The following RNFT2 variants were observed in gnomAD, a reference collection of about 807,000 sequenced individuals.
The protein encoded by RNFT2 is E3 ubiquitin-protein ligase RNFT2.
A neutral mutation model predicts 53.0 loss-of-function variants in RNFT2; 36 were observed. The observed-to-expected ratio is 0.68, with a 90% CI of 0.52 to 0.90. The LOEUF (loss-of-function observed/expected upper bound fraction) is 0.90, where lower values mean the gene tolerates loss of function less well. Ranked by LOEUF, RNFT2 falls within the 40% of genes least tolerant of loss-of-function variation. RNFT2 has a pLI of 0.00. For synonymous variants in RNFT2, 260 were observed against 253.2 expected (o/e 1.03, Z -0.26); for missense variants, 514 against 585.6 (o/e 0.88, Z 1.26).
intron 7 of RNFT2, among the ~76,000 whole-genome samples, chr12:116,833,019 T>C (rs1876761332): frequency 6.9e-6 from 1 of 144,034 alleles, no homozygotes; most frequent in East Asian, 2.3e-4. Flanking sequence ...GTTCAAGCAA[T>C]TCTCCTGCCT....
At chr12:116,763,628 A>AC (rs1396387614) in intron 5 of RNFT2, among the ~76,000 whole-genome samples, 1 of 150,532 alleles carries the variant, frequency 6.6e-6, no homozygotes, top group Non-Finnish European at 1.5e-5. Context: ...ACAAAAAAAA[A>AC]ATTAGCTGGA....
At chr12:116,759,084 T>C (rs1227426766) in intron 5 of RNFT2, among the ~76,000 whole-genome samples, 1 of 152,176 alleles carries the variant, frequency 6.6e-6, no homozygotes, top group East Asian at 1.9e-4. Context: ...CTTTGTTGGA[T>C]TGGGTTAATT....
chr12:116,795,736 C>T (rs1177092756), intron 7 of RNFT2, among the ~76,000 whole-genome samples: 1 of 152,104 alleles, frequency 6.6e-6, no homozygotes, highest in Non-Finnish European at 1.5e-5. Context: ...GCGGGCCCTT[C>T]CCTAAGAACT....
intron 3 of RNFT2, chr12:116,748,744 G>C (rs1252202862): frequency 2.3e-6 from 1 of 427,512 alleles, no homozygotes. Context: ...GGGATCCCGA[G>C]GTAATTCTAG....
chr12:116,766,194 A>G (rs953500063), intron 5 of RNFT2, among the ~76,000 whole-genome samples: 2 of 152,138 alleles, frequency 1.3e-5, no homozygotes, highest in Admixed American at 1.3e-4. Context: ...AGGCAGGAGG[A>G]TCACTTGAGC....
At chr12:116,811,483 C>G (rs1457257467) in intron 7 of RNFT2, among the ~76,000 whole-genome samples, 1 of 152,004 alleles carries the variant, frequency 6.6e-6, no homozygotes, top group African/African-American at 2.4e-5. Flanking sequence ...TCAAGCAATC[C>G]TTGTGCCTCA....
At chr12:116,746,561 G>A (rs570446325) in intron 3 of RNFT2, among the ~76,000 whole-genome samples, 19 of 152,256 alleles carry the variant, frequency 1.2e-4, no homozygotes, top group Non-Finnish European at 1.8e-4. Flanking sequence ...ACAGATGAGC[G>A]TGCATTACCT....
At chr12:116,807,119 G>A (rs547184975) in intron 7 of RNFT2, among the ~76,000 whole-genome samples, 12 of 152,260 alleles carry the variant, frequency 7.9e-5, no homozygotes, top group African/African-American at 2.6e-4. Flanking sequence ...AGATTGAGAC[G>A]CTTATTTTGA....
At chr12:116,750,851 A>AATATATATTATATATATAAT (rs1872187626) in intron 4 of RNFT2, among the ~76,000 whole-genome samples, 55 of 105,504 alleles carry the variant, frequency 5.2e-4, no homozygotes, top group African/African-American at 7.3e-4. Flanking sequence ...ATATATATAT[A>AATATATATTATATATATAAT]ATATATATTA....
chr12:116,786,037 G>A (rs1206844649), intron 7 of RNFT2, among the ~76,000 whole-genome samples: 3 of 152,030 alleles, frequency 2.0e-5, no homozygotes, highest in Non-Finnish European at 4.4e-5. Flanking sequence ...CGGCAATAGA[G>A]CCAGCCTCTC....
intron 7 of RNFT2, among the ~76,000 whole-genome samples, chr12:116,828,852 A>C (rs987757986): frequency 6.6e-6 from 1 of 152,102 alleles, no homozygotes; most frequent in Non-Finnish European, 1.5e-5. Context: ...TGACAAAAGC[A>C]GGTTAAGGCC....
At chr12:116,834,850 CTTTT>C (rs140178133) in intron 8 of RNFT2, among the ~76,000 whole-genome samples, 1 of 136,672 alleles carries the variant, frequency 7.3e-6, no homozygotes. Flanking sequence ...ATTATTACTC[CTTTT>C]TTTTTTTTTT....
At chr12:116,768,344 G>A (rs999690635) in intron 6 of RNFT2, among the ~76,000 whole-genome samples, 2 of 151,108 alleles carry the variant, frequency 1.3e-5, no homozygotes, top group African/African-American at 2.4e-5. Flanking sequence ...CAGGTGATCC[G>A]CCGGCCTTGG....
chr12:116,840,432 G>T (rs1471819334), intron 10 of RNFT2, among the ~76,000 whole-genome samples: 1 of 152,202 alleles, frequency 6.6e-6, no homozygotes, highest in Non-Finnish European at 1.5e-5. Context: ...CATTCCACAA[G>T]GCTTGGTCTC....
intron 7 of RNFT2, among the ~76,000 whole-genome samples, chr12:116,794,694 AG>A (rs377678112): frequency 0.012 from 197 of 16,264 alleles, 3 homozygotes; most frequent in South Asian, 0.074. Context: ...GAGGGAGGGA[AG>A]GGAAGGGAGG....
At chr12:116,760,736 G>C (rs760843973) in intron 5 of RNFT2, among the ~76,000 whole-genome samples, 6 of 152,126 alleles carry the variant, frequency 3.9e-5, no homozygotes, top group Non-Finnish European at 7.4e-5. Flanking sequence ...CAGAGAGTCT[G>C]TGGGTCCTCT....
At position 116,849,541 on chromosome 12, in the gene RNFT2, C is replaced by T. The variant is rs916587807; in HGVS notation, c.*93C>T. The T allele has an allele frequency of 1.5e-5, 22 of 1,459,038 alleles. No homozygotes were observed. Among genetic ancestry groups the T allele is most frequent in the Non-Finnish European group, 2.0e-5 (22 of 1,101,812 alleles). 90.4% of individuals were successfully genotyped at this position (1,459,038 alleles called of 1,614,324 possible). On this transcript the variant is annotated 3_prime_UTR_variant, in exon 11 of 11. Coordinates refer to ENST00000257575, the MANE Select transcript of RNFT2 (RefSeq NM_001382266.1). ...CTTCCTGAGAAACAGGCCTCAAGCA[C>T]TTACATCCTGCCTCTTGCCCTCCAC...
At chr12:116,841,122 CAA>C (rs1265738768) in intron 10 of RNFT2, among the ~76,000 whole-genome samples, 1 of 152,162 alleles carries the variant, frequency 6.6e-6, no homozygotes, top group African/African-American at 2.4e-5. Flanking sequence ...CTTAAAGCAA[CAA>C]ATGTTTATTA....
In RNFT2 at chr12:116,849,648, C is replaced by T. The variant is rs11608314; in HGVS notation, c.*200C>T. ...TCTCGTTCTGTGGTATAGTGCGTGC[C>T]TCCTTCCCCTGCAAAAGGGGACGTC... On this transcript the variant is annotated 3_prime_UTR_variant, in exon 11 of 11. Coordinates refer to ENST00000257575, the MANE Select transcript of RNFT2 (RefSeq NM_001382266.1). 0.16 allele frequency: 212,757 copies of T among 1,295,552 alleles called. 19,283 individuals are homozygous for T. Among genetic ancestry groups the T allele is most frequent in the East Asian group, 0.36 (13,223 of 36,250 alleles). The allele number at this position is 1,295,552 out of a possible 1,614,324, so 80.3% of individuals were successfully genotyped here.
Sources: allele counts gnomAD v4.1 joint callset (sites outside exome capture counted in the v4.1 genomes callset), GRCh38; gene constraint gnomAD v4.1.1; transcripts MANE v1.5; gene names NCBI Gene and HGNC (gene_info 2026-07-23, HGNC 2026-07-21).